The following PRKCA variants were observed in gnomAD, a reference collection of about 807,000 sequenced individuals.
PRKCA encodes protein kinase C alpha type.
In PRKCA, 27 loss-of-function variants were observed where a neutral mutation model predicts 87.0. The ratio of observed to expected loss-of-function variants is 0.31; its 90% CI spans 0.23 to 0.43. The LOEUF (loss-of-function observed/expected upper bound fraction) is 0.43. Among genes scored for constraint, PRKCA ranks in the 20% least tolerant of loss-of-function variants. PRKCA has a pLI of 1.00. For synonymous variants in PRKCA, 329 were observed against 311.1 expected (o/e 1.06, Z -0.61); for missense variants, 518 against 852.3 (o/e 0.61, Z 4.88).
intron 3 of PRKCA, among the ~76,000 whole-genome samples, chr17:66,563,499 A>G (rs796707721): frequency 7.9e-5 from 12 of 152,222 alleles, no homozygotes; most frequent in African/African-American, 2.4e-4. Flanking sequence ...TCTTGACTTG[A>G]TAGTTCATTT....
chr17:66,568,459 G>A (rs954698730), intron 3 of PRKCA, among the ~76,000 whole-genome samples: 3 of 152,104 alleles, frequency 2.0e-5, no homozygotes, highest in South Asian at 2.1e-4. Flanking sequence ...GCTTGAGTGC[G>A]GGTGCTGGGT....
chr17:66,479,787 A>T (rs1039696720), intron 2 of PRKCA, among the ~76,000 whole-genome samples: 1 of 152,184 alleles, frequency 6.6e-6, no homozygotes, highest in African/African-American at 2.4e-5. Context: ...TCTCACTTAT[A>T]AGTGACAGCT....
intron 2 of PRKCA, among the ~76,000 whole-genome samples, chr17:66,356,359 G>A (rs908642131): frequency 5.9e-5 from 9 of 152,048 alleles, no homozygotes; most frequent in African/African-American, 1.9e-4. Flanking sequence ...CATATAGGCC[G>A]GCACGGTGGC....
intron 2 of PRKCA, among the ~76,000 whole-genome samples, chr17:66,349,349 C>T (rs939385583): frequency 6.6e-6 from 1 of 152,126 alleles, no homozygotes; most frequent in East Asian, 1.9e-4. Flanking sequence ...GAATATGCTG[C>T]CTGCCTACCC....
intron 2 of PRKCA, among the ~76,000 whole-genome samples, chr17:66,408,165 G>T (rs533668725): frequency 1.3e-5 from 2 of 152,278 alleles, no homozygotes; most frequent in East Asian, 3.9e-4. Flanking sequence ...ATCAAAATAG[G>T]TTGTCCAAGG....
intron 3 of PRKCA, among the ~76,000 whole-genome samples, chr17:66,523,444 TG>T (rs1967239021): frequency 6.6e-6 from 1 of 152,186 alleles, no homozygotes; most frequent in South Asian, 2.1e-4. Flanking sequence ...AGTTTGTCTG[TG>T]GGCAGAAGAC....
chr17:66,785,281 A>G (rs1773060423), intron 14 of PRKCA, among the ~76,000 whole-genome samples: 1 of 152,092 alleles, frequency 6.6e-6, no homozygotes, highest in African/African-American at 2.4e-5. Context: ...ACTTGGCTCA[A>G]CGGCTGCCTC....
At chr17:66,449,180 T>C (rs1209507629) in intron 2 of PRKCA, among the ~76,000 whole-genome samples, 1 of 152,012 alleles carries the variant, frequency 6.6e-6, no homozygotes, top group Admixed American at 6.6e-5. Context: ...GCCTAGCTAC[T>C]TGGGAGGCTG....
rs906132891 is a variant in PRKCA at position 66,661,413 on chromosome 17, G to A, written c.529+15902G>A. 1.8e-4 allele frequency among the ~76,000 whole-genome samples: 28 copies of A among 152,210 alleles called. 1 individual carries two copies. The highest frequency in any genetic ancestry group is 5.9e-4 in the Admixed American group (9 of 15,282). ...CGTGAGCCAGGGTTGTGCAGGAAGTGTGTTCAGGAGGAGGATGCAGCCAGG... is the reference window on the plus strand; with the variant it reads ...CGTGAGCCAGGGTTGTGCAGGAAGTATGTTCAGGAGGAGGATGCAGCCAGG... On this transcript the variant is annotated intron_variant, in intron 5 of 16. Coordinates refer to ENST00000413366, the MANE Select transcript of PRKCA (RefSeq NM_002737.3).
chr17:66,575,134 T>G (rs8078748), intron 3 of PRKCA, among the ~76,000 whole-genome samples: 91,203 of 152,134 alleles, frequency 0.6, 28,659 homozygotes, highest in African/African-American at 0.8. Flanking sequence ...CTCAACAGTT[T>G]ATCTATAACC....
chr17:66,453,095 C>T (rs956745422), intron 2 of PRKCA, among the ~76,000 whole-genome samples: 17 of 152,094 alleles, frequency 1.1e-4, no homozygotes, highest in Non-Finnish European at 8.8e-5. Context: ...GAACTGGAGC[C>T]CTCATTCCCC....
intron 3 of PRKCA, among the ~76,000 whole-genome samples, chr17:66,606,551 C>G (rs1357008119): frequency 6.6e-6 from 1 of 152,142 alleles, no homozygotes. Flanking sequence ...AATTACCACA[C>G]AGACAAATGG....
At chr17:66,769,804 G>A (rs746224599) in intron 13 of PRKCA, among the ~76,000 whole-genome samples, 47 of 152,152 alleles carry the variant, frequency 3.1e-4, no homozygotes, top group Non-Finnish European at 4.7e-4. Context: ...AAAGAAAATC[G>A]TTGGGCTCGT....
chr17:66,317,863 T>A (rs1905405179), intron 2 of PRKCA, among the ~76,000 whole-genome samples: 4 of 152,242 alleles, frequency 2.6e-5, no homozygotes, highest in Admixed American at 2.6e-4. Context: ...TGTCCTAAAA[T>A]GTGAAAATGG....
At chr17:66,426,180 A>G (rs912351450) in intron 2 of PRKCA, among the ~76,000 whole-genome samples, 4 of 152,186 alleles carry the variant, frequency 2.6e-5, no homozygotes, top group Non-Finnish European at 4.4e-5. Context: ...AGAGGTGAAC[A>G]TGAACCAGGA....
chr17:66,501,531 C>G (rs1329139131), intron 3 of PRKCA, among the ~76,000 whole-genome samples: 1 of 152,174 alleles, frequency 6.6e-6, no homozygotes, highest in East Asian at 1.9e-4. Flanking sequence ...TGTGTTTGCA[C>G]CCGGGGCTCA....
At chr17:66,733,122 G>A (rs1245422624) in intron 9 of PRKCA, among the ~76,000 whole-genome samples, 2 of 142,886 alleles carry the variant, frequency 1.4e-5, no homozygotes, top group Admixed American at 7.4e-5. Context: ...CTGCACTCCA[G>A]CCTGGGAGAC....
At chr17:66,754,150 G>A (rs979726582) in intron 13 of PRKCA, among the ~76,000 whole-genome samples, 1 of 152,018 alleles carries the variant, frequency 6.6e-6, no homozygotes, top group African/African-American at 2.4e-5. Flanking sequence ...GTGGGTTAGG[G>A]CCAAGTAGAT....
At chr17:66,618,784 C>T (rs577767539) in intron 3 of PRKCA, among the ~76,000 whole-genome samples, 1 of 152,164 alleles carries the variant, frequency 6.6e-6, no homozygotes, top group Non-Finnish European at 1.5e-5. Context: ...GGAACATAGA[C>T]CTTTGCTGAG....
Sources: allele counts gnomAD v4.1 joint callset (sites outside exome capture counted in the v4.1 genomes callset), GRCh38; gene constraint gnomAD v4.1.1; transcripts MANE v1.5; gene names NCBI Gene and HGNC (gene_info 2026-07-23, HGNC 2026-07-21).